Variants in NLGN1 observed in about 807,000 individuals in gnomAD.
NLGN1 encodes the protein neuroligin 1, also known as neuroligin-1.
Under a neutral mutation model 65.5 loss-of-function variants are expected in NLGN1, and 12 were observed. The observed-to-expected ratio is 0.18, with a 90% CI of 0.12 to 0.30. The LOEUF is 0.30. Ranked by LOEUF, NLGN1 falls within the 10% of genes least tolerant of loss-of-function variation. NLGN1 has a pLI of 1.00. For missense variants in NLGN1, 750 were observed against 1,007.1 expected, an observed-to-expected ratio of 0.74 and a Z score of 3.46; for synonymous variants, 350 against 359.5, an observed-to-expected ratio of 0.97 and a Z score of 0.30.
chr3:174,225,214 T>C (rs977318588), intron 4 of NLGN1, among the ~76,000 whole-genome samples: 3 of 152,134 alleles, frequency 2.0e-5, no homozygotes, highest in Non-Finnish European at 4.4e-5. Context: ...ATATGGCCAC[T>C]TTCTTCAGAC....
intron 4 of NLGN1, among the ~76,000 whole-genome samples, chr3:174,258,086 C>T (rs1746148326): frequency 5.9e-5 from 9 of 151,856 alleles, no homozygotes. Flanking sequence ...AAGCCAAAGT[C>T]CCCTAACTAC....
At chr3:173,691,502 A>G (rs1271336898) in intron 3 of NLGN1, among the ~76,000 whole-genome samples, 2 of 152,102 alleles carry the variant, frequency 1.3e-5, no homozygotes, top group Admixed American at 6.6e-5. Context: ...CAGCGACTTT[A>G]TATTATGTTT....
At chr3:173,622,725 T>C (rs1445268063) in intron 3 of NLGN1, among the ~76,000 whole-genome samples, 1 of 152,070 alleles carries the variant, frequency 6.6e-6, no homozygotes, top group Non-Finnish European at 1.5e-5. Flanking sequence ...AGGGCAGATA[T>C]TACACCCATG....
At chr3:173,750,298 T>C (rs1776145989) in intron 3 of NLGN1, among the ~76,000 whole-genome samples, 1 of 152,098 alleles carries the variant, frequency 6.6e-6, no homozygotes, top group African/African-American at 2.4e-5. Flanking sequence ...GTGTTAGTGA[T>C]AATTTATTAC....
At chr3:173,827,530 T>A (rs1263438862) in intron 4 of NLGN1, among the ~76,000 whole-genome samples, 1 of 151,774 alleles carries the variant, frequency 6.6e-6, no homozygotes, top group Non-Finnish European at 1.5e-5. Context: ...AAAGCAATGA[T>A]CAGCATATAT....
intron 4 of NLGN1, among the ~76,000 whole-genome samples, chr3:174,181,713 G>C (rs1004035867): frequency 1.3e-5 from 2 of 151,704 alleles, no homozygotes; most frequent in Admixed American, 1.3e-4. Flanking sequence ...CATATGGCTT[G>C]AGCCCAGGAC....
chr3:173,843,375 G>A (rs1294797454), intron 4 of NLGN1, among the ~76,000 whole-genome samples: 2 of 152,180 alleles, frequency 1.3e-5, no homozygotes, highest in Non-Finnish European at 2.9e-5. Context: ...TTCTGCAGCA[G>A]GCATGAATTT....
intron 3 of NLGN1, among the ~76,000 whole-genome samples, chr3:173,671,775 A>G (rs576591098): frequency 1.3e-5 from 2 of 152,320 alleles, no homozygotes; most frequent in Non-Finnish European, 1.5e-5. Flanking sequence ...ACCTGGTACT[A>G]CAATTTAGGC....
intron 4 of NLGN1, among the ~76,000 whole-genome samples, chr3:174,170,094 C>A (rs1232973189): frequency 1.3e-5 from 2 of 152,052 alleles, no homozygotes; most frequent in Non-Finnish European, 2.9e-5. Context: ...TTTGGGGTAT[C>A]CTTCAAGATT....
chr3:173,805,854 G>A (rs1226227736), intron 3 of NLGN1, among the ~76,000 whole-genome samples: 1 of 152,128 alleles, frequency 6.6e-6, no homozygotes, highest in Non-Finnish European at 1.5e-5. Context: ...AAGGTGCACA[G>A]TTTAACAATC....
At chr3:174,037,363 C>G (rs1731362138) in intron 4 of NLGN1, among the ~76,000 whole-genome samples, 1 of 152,150 alleles carries the variant, frequency 6.6e-6, no homozygotes, top group Admixed American at 6.6e-5. Flanking sequence ...ACTAAATAAT[C>G]ATCCGTGATA....
intron 4 of NLGN1, among the ~76,000 whole-genome samples, chr3:173,827,076 G>T (rs1191890162): frequency 1.3e-5 from 2 of 152,050 alleles, no homozygotes; most frequent in Non-Finnish European, 2.9e-5. Flanking sequence ...GACCACTAAT[G>T]CAACTACCTG....
chr3:173,718,284 C>G (rs193222925), intron 3 of NLGN1, among the ~76,000 whole-genome samples: 23 of 152,198 alleles, frequency 1.5e-4, no homozygotes, highest in Admixed American at 1.4e-3. Context: ...CATTAACCAA[C>G]CTTTCTTCAT....
chr3:174,101,252 A>G (rs540455752), intron 4 of NLGN1, among the ~76,000 whole-genome samples: 2 of 152,282 alleles, frequency 1.3e-5, no homozygotes, highest in Admixed American at 1.3e-4. Flanking sequence ...TTAAAGAGTT[A>G]CTTCGGACGA....
At chr3:174,265,759 A>C (rs1747983870) in intron 4 of NLGN1, among the ~76,000 whole-genome samples, 1 of 134,046 alleles carries the variant, frequency 7.5e-6, no homozygotes, top group Non-Finnish European at 1.6e-5. Flanking sequence ...TAAAACTAAG[A>C]AGGCTATATA....
At chr3:173,482,621 C>A (rs75563775) in intron 2 of NLGN1, among the ~76,000 whole-genome samples, 1 of 151,646 alleles carries the variant, frequency 6.6e-6, no homozygotes. Flanking sequence ...ACATTTCTCT[C>A]GGAGGCTATT....
intron 4 of NLGN1, among the ~76,000 whole-genome samples, chr3:173,938,404 A>G (rs75900317): frequency 2.2e-3 from 333 of 152,212 alleles, no homozygotes; most frequent in African/African-American, 7.8e-3. Context: ...TGCCATGGAA[A>G]CATAGTCTTG....
At chr3:174,192,781 A>C (rs932608726) in intron 4 of NLGN1, among the ~76,000 whole-genome samples, 26 of 152,076 alleles carry the variant, frequency 1.7e-4, no homozygotes, top group African/African-American at 6.0e-4. Context: ...CATCTGTTAT[A>C]ACTTACTTTC....
At chr3:173,642,170 A>G (rs1757519675) in intron 3 of NLGN1, among the ~76,000 whole-genome samples, 1 of 152,184 alleles carries the variant, frequency 6.6e-6, no homozygotes, top group Non-Finnish European at 1.5e-5. Context: ...TAAATAAATT[A>G]TAGGAAACAA....
Sources: gnomAD v4.1 joint callset for allele counts (sites outside exome capture counted in the v4.1 genomes callset) on GRCh38, gnomAD v4.1.1 for gene constraint, MANE v1.5 for transcripts, NCBI Gene and HGNC (gene_info 2026-07-23, HGNC 2026-07-21) for gene names.